The following PLB1 variants were observed in gnomAD, a reference collection of about 807,000 sequenced individuals.
PLB1 encodes the protein phospholipase B1, also known as phospholipase B1, membrane-associated.
Under a neutral mutation model 227.4 loss-of-function variants are expected in PLB1, and 242 were observed. The observed-to-expected ratio is 1.06, with a 90% CI of 0.96 to 1.18. PLB1 has a LOEUF of 1.18. Ranked by LOEUF, PLB1 falls within the 50% of genes most tolerant of loss-of-function variation. The pLI, the probability that PLB1 is intolerant of heterozygous loss-of-function variation, is 0.00. For missense variants in PLB1, 1,858 were observed against 1,816.3 expected (o/e 1.02, Z -0.42); for synonymous variants, 757 against 682.2 (o/e 1.11, Z -1.71).
chr2:28,498,690 C>G (rs938475955), intron 1 of PLB1, among the ~76,000 whole-genome samples: 1 of 152,208 alleles, frequency 6.6e-6, no homozygotes, highest in African/African-American at 2.4e-5. Context: ...CTATCTGTGT[C>G]AGTTCTCTTT....
chr2:28,498,180 G>A (rs1258334933), intron 1 of PLB1, among the ~76,000 whole-genome samples: 1 of 151,508 alleles, frequency 6.6e-6, no homozygotes, highest in Non-Finnish European at 1.5e-5. Context: ...CCCTACATCT[G>A]GGATTGACTT....
intron 43 of PLB1, among the ~76,000 whole-genome samples, chr2:28,608,847 C>T (rs1685051570): frequency 6.6e-6 from 1 of 152,130 alleles, no homozygotes; most frequent in South Asian, 2.1e-4. Context: ...TGACCCTCCT[C>T]CTCCCTTTCC....
intron 9 of PLB1, among the ~76,000 whole-genome samples, chr2:28,535,278 A>C (rs886066872): frequency 6.6e-6 from 1 of 152,162 alleles, no homozygotes; most frequent in Non-Finnish European, 1.5e-5. Context: ...CTTCCACTCA[A>C]ATTCCCTCTT....
intron 1 of PLB1, among the ~76,000 whole-genome samples, chr2:28,514,854 TA>T (rs1668664527): frequency 6.6e-6 from 1 of 152,196 alleles, no homozygotes. Flanking sequence ...TTTATTTTTT[TA>T]TTTTTTTAGA....
intron 41 of PLB1, 63 bp from the exon 42 acceptor site, chr2:28,605,790 T>C: frequency 7.2e-7 from 1 of 1,386,766 alleles, no homozygotes; most frequent in Middle Eastern, 1.8e-4. Flanking sequence ...CAGGGCCAAG[T>C]CCGCTGGTGG....
chr2:28,603,017 T>C, intron 39 of PLB1, 96 bp downstream of exon 39: 5 of 1,080,158 alleles, frequency 4.6e-6, no homozygotes, highest in South Asian at 3.9e-5. Flanking sequence ...TGTGACTTGG[T>C]CTATCCATGT....
At chr2:28,555,216 A>G (rs905643793) in intron 17 of PLB1, among the ~76,000 whole-genome samples, 2 of 128,188 alleles carry the variant, frequency 1.6e-5, no homozygotes, top group Non-Finnish European at 3.1e-5. Flanking sequence ...ATTTCCGCTT[A>G]CTGCAACCTC....
intron 17 of PLB1, among the ~76,000 whole-genome samples, chr2:28,559,970 T>A (rs1675794079): frequency 6.6e-6 from 1 of 152,088 alleles, no homozygotes; most frequent in Non-Finnish European, 1.5e-5. Flanking sequence ...CAGGCTGGTC[T>A]GAAACTCCTG....
In PLB1 at chr2:28,579,704, T is replaced by C. The variant is rs531427635; in HGVS notation, c.1563T>C (p.Asp521=). 6.1e-4 allele frequency: 988 copies of C among 1,611,570 alleles called. 10 individuals carry two copies. In the South Asian group the frequency reaches 0.01, roughly 17 times the overall value. ...ATGACCTCTGTGATTTCTGCAATGA[T>C]CTGGTAGGTCTCCAGGCACTTTACT... ...GGNDLCDFCN[D]LVHYSPQNFT... Residue 521 remains aspartate (D), a synonymous_variant, in exon 23 of 58, where the codon GAT becomes GAC. Coordinates refer to ENST00000327757, the MANE Select transcript of PLB1 (RefSeq NM_153021.5).
At chr2:28,525,844 A>G in intron 5 of PLB1, 61 bp from the exon 6 acceptor site, 1 of 1,582,996 alleles carries the variant, frequency 6.3e-7, no homozygotes, top group Admixed American at 1.7e-5. Flanking sequence ...GCCAAGGGGA[A>G]GGGCTATTGG....
At chr2:28,612,247 A>G (rs935834014) in intron 43 of PLB1, among the ~76,000 whole-genome samples, 7 of 152,188 alleles carry the variant, frequency 4.6e-5, no homozygotes, top group African/African-American at 1.7e-4. Context: ...GGGAACCAGT[A>G]TCTGAGCTGG....
chr2:28,635,263 A>G (rs1239593163), intron 56 of PLB1, among the ~76,000 whole-genome samples: 1 of 152,254 alleles, frequency 6.6e-6, no homozygotes, highest in African/African-American at 2.4e-5. Context: ...AAGCTGTAGC[A>G]TGATGCCAAC....
rs772012343 is a variant in PLB1 at position 28,642,955 on chromosome 2, C to T, written c.4271C>T (p.Ala1424Val). 3.2e-5 allele frequency: 51 copies of T among 1,608,520 alleles called. No homozygotes were observed. Among genetic ancestry groups the T allele is most frequent in the Middle Eastern group, 1.6e-4 (1 of 6,066 alleles). ...EVLYWAVPVA[A>V]GVGLVVGIIG... ...CTCTACTGGGCTGTCCCAGTGGCAG[C>T]GGGAGTCGGCCTTGTGGTGGGCATC... Residue 1424 changes from alanine to valine, a missense_variant, in exon 58 of 58, where the codon GCG (alanine) becomes GTG (valine). Physicochemically the swap from Ala to Val is moderately conservative, Grantham distance 64. Transcript: ENST00000327757.
chr2:28,582,276 G>A (rs1018602441), intron 24 of PLB1, 129 bp from the exon 25 acceptor site: 1 of 1,173,134 alleles, frequency 8.5e-7, no homozygotes, highest in Non-Finnish European at 1.2e-6. Flanking sequence ...GCAGGGACGG[G>A]TGGAGGAAGT....
At chr2:28,620,792 G>C in intron 48 of PLB1, 87 bp from the exon 49 acceptor site, 1 of 1,333,176 alleles carries the variant, frequency 7.5e-7, no homozygotes, top group South Asian at 1.2e-5. Context: ...TCCCACCCAT[G>C]TCCCCACCCT....
chr2:28,611,954 C>T (rs1685514871), intron 43 of PLB1, among the ~76,000 whole-genome samples: 1 of 152,034 alleles, frequency 6.6e-6, no homozygotes. Context: ...TCCTGGCTAA[C>T]ATGGTGAACC....
At chr2:28,590,128 C>A in intron 29 of PLB1, 52 bp downstream of exon 29, 1 of 1,467,766 alleles carries the variant, frequency 6.8e-7, no homozygotes, top group Non-Finnish European at 9.5e-7. Flanking sequence ...GGCTTCTTGG[C>A]TCATTTCATC....
rs367993694 is a variant in PLB1 at position 28,504,751 on chromosome 2, A to AAAC, written c.55+8600_55+8602dup. 8.6e-3 allele frequency among the ~76,000 whole-genome samples: 1,316 copies of AAAC among 152,218 alleles called. 29 individuals are homozygous for AAAC. The highest frequency in any genetic ancestry group is 0.03 in the African/African-American group (1,232 of 41,518). ...AGCGAGACTCAGTCTCAAAAAAACA[A>AAAC]AACAACAACAACAACAACAAAAATT... is the stretch of plus-strand genomic sequence containing the variant. On this transcript the variant is annotated intron_variant, in intron 1 of 57. Coordinates refer to ENST00000327757, the MANE Select transcript of PLB1 (RefSeq NM_153021.5).
In PLB1 at chr2:28,539,716, G is replaced by C. The variant is rs142644269; in HGVS notation, c.698+538G>C. Among the ~76,000 whole-genome samples, 95 of 152,144 alleles carry C rather than the reference G, an allele frequency of 6.2e-4. No homozygotes were observed. The East Asian group carries it at 0.017, about 28-fold the overall frequency. On this transcript the variant is annotated intron_variant, in intron 11 of 57. Coordinates refer to ENST00000327757, the MANE Select transcript of PLB1 (RefSeq NM_153021.5). The stretch of plus-strand genomic sequence containing the variant: ...AGAGAGTGCTGGAAAGGAGAGAAGT[G>C]GGGTGCTGGGGAAGGAGGGCTCTGA...
Sources: allele counts gnomAD v4.1 joint callset (sites outside exome capture counted in the v4.1 genomes callset), GRCh38; gene constraint gnomAD v4.1.1; transcripts MANE v1.5; gene names NCBI Gene and HGNC (gene_info 2026-07-23, HGNC 2026-07-21).